The following PLPPR1 variants were observed in gnomAD, a reference collection of about 807,000 sequenced individuals.
PLPPR1 encodes phospholipid phosphatase-related protein type 1.
A neutral mutation model predicts 33.1 loss-of-function variants in PLPPR1; 10 were observed. That is an observed-to-expected ratio of 0.30 (90% CI 0.19 to 0.51). The LOEUF (loss-of-function observed/expected upper bound fraction) is 0.51. Ranked by LOEUF, PLPPR1 falls within the 20% of genes least tolerant of loss-of-function variation. PLPPR1 has a pLI of 0.97. For synonymous variants in PLPPR1, 151 were observed against 151.0 expected, an observed-to-expected ratio of 1.00 and a Z score of 0.00; for missense variants, 304 against 408.1, an observed-to-expected ratio of 0.74 and a Z score of 2.20.
chr9:101,215,647 TC>T (rs1249653106), intron 2 of PLPPR1, among the ~76,000 whole-genome samples: 1 of 152,132 alleles, frequency 6.6e-6, no homozygotes, highest in Non-Finnish European at 1.5e-5. Flanking sequence ...CTGCTTCCCT[TC>T]CCAGCCTCTG....
intron 4 of PLPPR1, among the ~76,000 whole-genome samples, chr9:101,304,637 T>C (rs1464035473): frequency 6.6e-6 from 1 of 152,204 alleles, no homozygotes; most frequent in Non-Finnish European, 1.5e-5. Flanking sequence ...TATTTACTCT[T>C]AAATGGGGCA....
intron 3 of PLPPR1, among the ~76,000 whole-genome samples, chr9:101,282,252 G>A (rs1235896703): frequency 6.6e-6 from 1 of 151,946 alleles, no homozygotes; most frequent in Non-Finnish European, 1.5e-5. Context: ...GTGCAAAGAT[G>A]GTTCAACATA....
intron 4 of PLPPR1, among the ~76,000 whole-genome samples, chr9:101,297,017 A>G (rs1308217166): frequency 6.6e-6 from 1 of 152,204 alleles, no homozygotes. Flanking sequence ...ATGCAACATT[A>G]TATAAGTGTA....
intron 1 of PLPPR1, among the ~76,000 whole-genome samples, chr9:101,068,377 G>C (rs747804570): frequency 6.6e-6 from 1 of 152,004 alleles, no homozygotes; most frequent in Admixed American, 6.6e-5. Context: ...GACAAGTCCC[G>C]GTAGGGGCTT....
At chr9:101,305,186 A>G (rs1010142758) in intron 4 of PLPPR1, among the ~76,000 whole-genome samples, 2 of 151,494 alleles carry the variant, frequency 1.3e-5, no homozygotes, top group African/African-American at 4.9e-5. Context: ...GAGAAGCTTG[A>G]GTTTTCCATG....
chr9:101,224,875 C>T (rs1273736120), intron 2 of PLPPR1, among the ~76,000 whole-genome samples: 1 of 152,094 alleles, frequency 6.6e-6, no homozygotes, highest in African/African-American at 2.4e-5. Flanking sequence ...AGGGCTGGTT[C>T]CTCCAGTTGC....
At chr9:101,104,073 A>T (rs1588029314) in intron 1 of PLPPR1, among the ~76,000 whole-genome samples, 1 of 4,052 alleles carries the variant, frequency 2.5e-4, no homozygotes, top group Non-Finnish European at 3.6e-4. Flanking sequence ...TTTCTAGATA[A>T]ACAATCATGT....
chr9:101,261,392 A>G (rs2118880688), intron 2 of PLPPR1, among the ~76,000 whole-genome samples: 1 of 152,266 alleles, frequency 6.6e-6, no homozygotes, highest in South Asian at 2.1e-4. Context: ...GTAGACACTC[A>G]ATATTAGTTG....
intron 1 of PLPPR1, among the ~76,000 whole-genome samples, chr9:101,035,577 C>A (rs1488454016): frequency 6.6e-6 from 1 of 152,106 alleles, no homozygotes; most frequent in Non-Finnish European, 1.5e-5. Context: ...GTTGTCCTGA[C>A]CTCTTAACTC....
At chr9:101,212,446 A>G (rs1330752396) in intron 2 of PLPPR1, among the ~76,000 whole-genome samples, 1 of 152,138 alleles carries the variant, frequency 6.6e-6, no homozygotes, top group African/African-American at 2.4e-5. Context: ...CTAAAATCTG[A>G]TAGTAGTAAA....
intron 1 of PLPPR1, among the ~76,000 whole-genome samples, chr9:101,095,832 A>C (rs1352800628): frequency 6.6e-6 from 1 of 152,144 alleles, no homozygotes; most frequent in Non-Finnish European, 1.5e-5. Context: ...ATTCATAATA[A>C]GTTCTCAATC....
intron 2 of PLPPR1, among the ~76,000 whole-genome samples, chr9:101,263,904 CCTCTCTTCTTCCTT>C (rs919668589): frequency 4.6e-5 from 7 of 151,956 alleles, no homozygotes; most frequent in African/African-American, 1.7e-4. Flanking sequence ...TTTCTTCCTC[CCTCTCTTCTTCCTT>C]CTCTCTCCTT....
Position 101,129,419 on chromosome 9 carries a change from G to C in PLPPR1, c.-45-56031G>C, listed in dbSNP as rs150307118. Reference sequence around the variant, plus strand: ...TCCACACAAAAACCTGTAAACAATTGTTCATAGTAGTTGTATTTGTAACAG... The same window carrying C: ...TCCACACAAAAACCTGTAAACAATTCTTCATAGTAGTTGTATTTGTAACAG... On this transcript the variant is annotated intron_variant, in intron 1 of 7. Transcript: ENST00000374874. Among the ~76,000 whole-genome samples the C allele has an allele frequency of 1.5e-3, 232 of 152,168 alleles. 8 individuals carry two copies. In the East Asian group the frequency reaches 0.036, roughly 23 times the overall value.
chr9:101,130,198 CA>C (rs897680841), intron 1 of PLPPR1, among the ~76,000 whole-genome samples: 3 of 151,710 alleles, frequency 2.0e-5, no homozygotes, highest in African/African-American at 4.8e-5. Context: ...GGGGAAAAAG[CA>C]AAAAAAATTT....
At chr9:101,110,704 G>A (rs1160465898) in intron 1 of PLPPR1, among the ~76,000 whole-genome samples, 2 of 152,098 alleles carry the variant, frequency 1.3e-5, no homozygotes, top group Non-Finnish European at 2.9e-5. Context: ...GTAATTTCTG[G>A]ACGAATAAGA....
intron 2 of PLPPR1, among the ~76,000 whole-genome samples, chr9:101,213,094 C>T (rs1226211703): frequency 2.0e-5 from 3 of 152,058 alleles, no homozygotes; most frequent in African/African-American, 7.2e-5. Context: ...TTAAATTGCC[C>T]AAGATGATTA....
At chr9:101,145,962 G>C (rs1831516511) in intron 1 of PLPPR1, among the ~76,000 whole-genome samples, 1 of 152,034 alleles carries the variant, frequency 6.6e-6, no homozygotes, top group African/African-American at 2.4e-5. Context: ...GCTGTATTGA[G>C]CCATGATGGC....
intron 1 of PLPPR1, among the ~76,000 whole-genome samples, chr9:101,112,544 A>G (rs1472134019): frequency 1.3e-5 from 2 of 152,190 alleles, no homozygotes; most frequent in Non-Finnish European, 2.9e-5. Flanking sequence ...CTCTTCCTGC[A>G]TTTAATCATT....
intron 1 of PLPPR1, among the ~76,000 whole-genome samples, chr9:101,097,164 G>A (rs58105761): frequency 0.053 from 8,088 of 152,234 alleles, 573 homozygotes; most frequent in East Asian, 0.25. Context: ...AACTTGCACA[G>A]ATTGCTGGGA....
Sources: allele counts gnomAD v4.1 joint callset (sites outside exome capture counted in the v4.1 genomes callset), GRCh38; gene constraint gnomAD v4.1.1; transcripts MANE v1.5; gene names NCBI Gene and HGNC (gene_info 2026-07-23, HGNC 2026-07-21).